KLHL20: variants seen among roughly 807,000 people sequenced by gnomAD.
KLHL20 encodes the protein kelch like family member 20, also known as kelch-like protein 20.
Under a neutral mutation model 69.5 loss-of-function variants are expected in KLHL20, and 29 were observed. The observed-to-expected ratio is 0.42, with a 90% CI of 0.31 to 0.57. The LOEUF (loss-of-function observed/expected upper bound fraction) is 0.57, where lower values mean the gene tolerates loss of function less well. Among genes scored for constraint, KLHL20 ranks in the 20% least tolerant of loss-of-function variants. The pLI, the probability that KLHL20 is intolerant of heterozygous loss-of-function variation, is 0.18. For synonymous variants in KLHL20, 253 were observed against 265.2 expected, an observed-to-expected ratio of 0.95 and a Z score of 0.45; for missense variants, 419 against 776.0, an observed-to-expected ratio of 0.54 and a Z score of 5.47.
At chr1:173,769,530 C>G (rs1647948165) in intron 8 of KLHL20, among the ~76,000 whole-genome samples, 1 of 152,062 alleles carries the variant, frequency 6.6e-6, no homozygotes, top group East Asian at 1.9e-4. Context: ...GGCTCACACC[C>G]ATAATCCCAA....
chr1:173,782,205 T>C lies in KLHL20; in HGVS notation c.1720T>C (p.Phe574Leu). Residue 574 changes from phenylalanine (F) to leucine (L), a missense_variant, in exon 11 of 12, where the codon TTT becomes CTT. Coordinates refer to ENST00000209884, the MANE Select transcript of KLHL20 (RefSeq NM_014458.4). ...GTTYLKTIEV[F>L]DPDANTWRLY... ...AACATACTTGAAGACCATAGAAGTT[T>C]TTGATCCTGATGCCAATACATGGAG... 1 of 1,613,894 alleles carries C rather than the reference T, an allele frequency of 6.2e-7. No individual in the cohort carries two copies. The highest frequency in any genetic ancestry group is 8.5e-7 in the Non-Finnish European group (1 of 1,179,824).
At chr1:173,756,150 T>C (rs758824160) in intron 6 of KLHL20, 112 bp downstream of exon 6, 22 of 720,240 alleles carry the variant, frequency 3.1e-5, no homozygotes, top group Non-Finnish European at 4.8e-5. Flanking sequence ...ACACAAATAA[T>C]AAGTCAGCAT....
chr1:173,754,998 A>G (rs1211479061), intron 5 of KLHL20, among the ~76,000 whole-genome samples: 1 of 151,764 alleles, frequency 6.6e-6, no homozygotes, highest in Non-Finnish European at 1.5e-5. Context: ...ATAGCTCTAT[A>G]GTATTATTTG....
At chr1:173,775,965 C>T in intron 10 of KLHL20, 123 bp downstream of exon 10, 1 of 751,142 alleles carries the variant, frequency 1.3e-6, no homozygotes, top group South Asian at 1.7e-5. Flanking sequence ...ATATACCTAG[C>T]AGTAAGATTG....
At chr1:173,726,332 CAA>C (rs764535096) in intron 2 of KLHL20, among the ~76,000 whole-genome samples, 1 of 140,580 alleles carries the variant, frequency 7.1e-6, no homozygotes. Flanking sequence ...AGGGCATAGC[CAA>C]AAAAAAAAAG....
intron 5 of KLHL20, among the ~76,000 whole-genome samples, chr1:173,755,571 A>G (rs1673515076): frequency 6.6e-6 from 1 of 152,188 alleles, no homozygotes; most frequent in African/African-American, 2.4e-5. Context: ...TACCTTGCTA[A>G]TATCTTGCAG....
intron 11 of KLHL20, among the ~76,000 whole-genome samples, chr1:173,783,836 C>T (rs1397084663): frequency 1.3e-5 from 2 of 150,896 alleles, no homozygotes; most frequent in East Asian, 1.9e-4. Flanking sequence ...CATTGCACTG[C>T]AGCCTGGGTG....
At chr1:173,765,966 A>G (rs1179507686) in intron 7 of KLHL20, among the ~76,000 whole-genome samples, 180 bp from the exon 8 acceptor site, 1 of 152,214 alleles carries the variant, frequency 6.6e-6, no homozygotes, top group Non-Finnish European at 1.5e-5. Flanking sequence ...AAATATATTC[A>G]TACATAAATT....
At chr1:173,765,623 A>T (rs1243227465) in intron 7 of KLHL20, among the ~76,000 whole-genome samples, 1 of 152,214 alleles carries the variant, frequency 6.6e-6, no homozygotes, top group East Asian at 1.9e-4. Flanking sequence ...GAAACAGCCT[A>T]AGGGGTATAT....
intron 8 of KLHL20, among the ~76,000 whole-genome samples, chr1:173,769,547 G>A (rs1647950732): frequency 6.6e-6 from 1 of 152,080 alleles, no homozygotes; most frequent in Admixed American, 6.5e-5. Flanking sequence ...CCAACACTTT[G>A]GGAGGCCTAG....
intron 7 of KLHL20, among the ~76,000 whole-genome samples, chr1:173,763,047 T>C (rs1558212848): frequency 6.6e-6 from 1 of 152,170 alleles, no homozygotes; most frequent in Admixed American, 6.5e-5. Flanking sequence ...ACAAGATTAA[T>C]GTACACAAAT....
At chr1:173,783,773 C>T (rs1571945075) in intron 11 of KLHL20, among the ~76,000 whole-genome samples, 1 of 151,622 alleles carries the variant, frequency 6.6e-6, no homozygotes, top group Non-Finnish European at 1.5e-5. Context: ...GAGGCTGAGG[C>T]AGGAGAATCA....
intron 11 of KLHL20, among the ~76,000 whole-genome samples, chr1:173,783,262 T>C (rs368519566): frequency 2.6e-5 from 4 of 152,216 alleles, no homozygotes. Flanking sequence ...ACCAGAAATA[T>C]CAGGCTGGAC....
At chr1:173,775,866 T>C (rs1165597363) in intron 10 of KLHL20, 24 bp downstream of exon 10, 6 of 1,604,578 alleles carry the variant, frequency 3.7e-6, no homozygotes, top group Non-Finnish European at 5.1e-6. Context: ...GACACTTAGG[T>C]TGCTTCCAAA....
intron 11 of KLHL20, among the ~76,000 whole-genome samples, chr1:173,784,728 A>G (rs1649094848): frequency 6.6e-6 from 1 of 152,210 alleles, no homozygotes; most frequent in African/African-American, 2.4e-5. Flanking sequence ...TACAGAGTAC[A>G]TATAAGACAA....
At position 173,753,079 on chromosome 1, in the gene KLHL20, A is replaced by G. The variant is rs1571898758; in HGVS notation, c.757-134A>G. On this transcript the variant is annotated intron_variant, in intron 4 of 11. Coordinates refer to ENST00000209884, the MANE Select transcript of KLHL20 (RefSeq NM_014458.4). ...TTGCAGCTACTCTGGAGGCTGAGGT[A>G]GGCACATCACTTGAGCCCAGGAGAT... The G allele has an allele frequency of 4.6e-6, 3 of 646,484 alleles. No individual in the cohort carries two copies. The East Asian group carries it at 8.7e-5, about 19-fold the overall frequency. 40.0% of individuals were successfully genotyped at this position (646,484 alleles called of 1,614,324 possible). A position where few individuals can be genotyped will look rare whatever the true frequency, so the allele number is the denominator to read the frequency against.
intron 3 of KLHL20, among the ~76,000 whole-genome samples, chr1:173,749,655 A>C (rs1206110678): frequency 6.6e-6 from 1 of 152,146 alleles, no homozygotes; most frequent in Non-Finnish European, 1.5e-5. Context: ...TCATATCTTC[A>C]TGTCATCTTG....
intron 7 of KLHL20, among the ~76,000 whole-genome samples, chr1:173,759,876 C>T (rs1673719591): frequency 6.6e-6 from 1 of 152,058 alleles, no homozygotes; most frequent in Non-Finnish European, 1.5e-5. Context: ...CAAGAAGATT[C>T]CCTGATTTAC....
chr1:173,781,941 A>G, intron 10 of KLHL20, 183 bp from the exon 11 acceptor site: 2 of 511,838 alleles, frequency 3.9e-6, no homozygotes, highest in Non-Finnish European at 7.0e-6. Flanking sequence ...AATTGAATAT[A>G]TAATTTTATA....
Sources: allele counts gnomAD v4.1 joint callset (sites outside exome capture counted in the v4.1 genomes callset), GRCh38; gene constraint gnomAD v4.1.1; transcripts MANE v1.5; gene names NCBI Gene and HGNC (gene_info 2026-07-23, HGNC 2026-07-21).